The following PIP5K1C variants were observed in gnomAD, a reference collection of about 807,000 sequenced individuals.
PIP5K1C encodes the protein phosphatidylinositol 4-phosphate 5-kinase type-1 gamma.
PIP5K1C carries 45 observed loss-of-function variants against 80.1 expected under a neutral mutation model. That is an observed-to-expected ratio of 0.56 (90% CI 0.44 to 0.72). The LOEUF (loss-of-function observed/expected upper bound fraction) is 0.72, where lower values mean the gene tolerates loss of function less well. Among genes scored for constraint, PIP5K1C ranks in the 30% least tolerant of loss-of-function variants. The probability of loss-of-function intolerance (pLI) is 0.00; values close to 1 mark genes in which losing one functional copy is unlikely to be tolerated. For synonymous variants in PIP5K1C, 498 were observed against 420.1 expected, an observed-to-expected ratio of 1.19 and a Z score of -2.27; for missense variants, 753 against 954.6, an observed-to-expected ratio of 0.79 and a Z score of 2.78.
Position 3,651,825 on chromosome 19 carries a change from C to T in PIP5K1C, c.1127+1G>A, listed in dbSNP as rs1473218681. 9 of 1,610,874 alleles carry T rather than the reference C, an allele frequency of 5.6e-6. No individual in the cohort carries two copies. The highest frequency in any genetic ancestry group is 1.3e-5 in the African/African-American group (1 of 74,894). ...GGTCCGGCGGCCCCCCGCCCACCTACGTGTCATCCGATTCGATGGCCTCCC... is the reference window on the plus strand; with the variant it reads ...GGTCCGGCGGCCCCCCGCCCACCTATGTGTCATCCGATTCGATGGCCTCCC... On this transcript the variant is annotated splice_donor_variant, in intron 8 of 17. Coordinates refer to ENST00000335312, the MANE Select transcript of PIP5K1C (RefSeq NM_012398.3). LOFTEE classifies it high-confidence loss of function.
intron 1 of PIP5K1C, among the ~76,000 whole-genome samples, chr19:3,695,640 G>A (rs539646170): frequency 1.8e-4 from 27 of 152,230 alleles, no homozygotes; most frequent in African/African-American, 6.5e-4. Context: ...CAGGGCGGGA[G>A]AGAATGGGGA....
At chr19:3,694,900 C>G (rs2036054692) in intron 1 of PIP5K1C, among the ~76,000 whole-genome samples, 1 of 152,226 alleles carries the variant, frequency 6.6e-6, no homozygotes, top group African/African-American at 2.4e-5. Context: ...CAAACATCTT[C>G]CGTAAAGGAC....
At chr19:3,642,742 T>C (rs1218673480) in intron 14 of PIP5K1C, among the ~76,000 whole-genome samples, 165 bp downstream of exon 14, 1 of 151,036 alleles carries the variant, frequency 6.6e-6, no homozygotes, top group Non-Finnish European at 1.5e-5. Flanking sequence ...AAAAACAAAG[T>C]GGCTGGAAGA....
chr19:3,679,194 G>GT (rs1413384696), intron 1 of PIP5K1C, among the ~76,000 whole-genome samples: 1 of 152,084 alleles, frequency 6.6e-6, no homozygotes, highest in Non-Finnish European at 1.5e-5. Flanking sequence ...AAGAAACACG[G>GT]TTTTTGAGGG....
chr19:3,677,520 T>A (rs557059102), intron 1 of PIP5K1C, among the ~76,000 whole-genome samples: 18 of 148,602 alleles, frequency 1.2e-4, no homozygotes, highest in South Asian at 2.2e-4. Context: ...GAGGCGGAGG[T>A]TGCAGTGAGC....
At chr19:3,679,351 G>A (rs979448800) in intron 1 of PIP5K1C, among the ~76,000 whole-genome samples, 5 of 152,140 alleles carry the variant, frequency 3.3e-5, no homozygotes, top group African/African-American at 9.7e-5. Flanking sequence ...CGCGTGCTGC[G>A]CCTGTGTCCC....
intron 4 of PIP5K1C, 27 bp downstream of exon 4, chr19:3,661,844 C>A: frequency 1.2e-6 from 2 of 1,609,082 alleles, no homozygotes; most frequent in East Asian, 4.5e-5. Context: ...GCTGGGTGAG[C>A]CCTGAGGCTC....
chr19:3,661,128 C>T, intron 4 of PIP5K1C, 45 bp from the exon 5 acceptor site: 1 of 1,316,464 alleles, frequency 7.6e-7, no homozygotes, highest in African/African-American at 1.4e-5. Context: ...GTGGTGGGCA[C>T]CTCTCCCCCA....
chr19:3,696,717 G>A lies in PIP5K1C; in HGVS notation c.94+3580C>T, dbSNP rs910019433. On this transcript the variant is annotated intron_variant, in intron 1 of 17. Transcript: ENST00000335312. This position sits in a 1 kb window ranked among gnomAD's most constrained non-coding sequence, Gnocchi z 4.1. ...ACAGCAGAGTGCAGACGGGAGGGCA[G>A]GGAGGGCAGAGTGCGGAGGGGAGGG... 1.9e-5 allele frequency among the ~76,000 whole-genome samples: 2 copies of A among 103,028 alleles called. No individual in the cohort carries two copies. Among genetic ancestry groups the A allele is most frequent in the Non-Finnish European group, 3.7e-5 (2 of 53,594 alleles). The allele number at this position is 103,028 out of a possible 152,430, so 67.6% of individuals were successfully genotyped here.
chr19:3,677,056 TGC>T lies in PIP5K1C; in HGVS notation c.95-9705_95-9704del, dbSNP rs982634602. ...GTTTGAGGCTGCAGTGAGCTATGACTGCACCACTGCACTCTAGCCTGGGCAAC... is the reference window on the plus strand; with the variant it reads ...GTTTGAGGCTGCAGTGAGCTATGACTACCACTGCACTCTAGCCTGGGCAAC... On this transcript the variant is annotated intron_variant, in intron 1 of 17. Coordinates refer to ENST00000335312, the MANE Select transcript of PIP5K1C (RefSeq NM_012398.3). Among the ~76,000 whole-genome samples, 161 of 152,106 alleles carry T rather than the reference TGC, an allele frequency of 1.1e-3. 2 individuals are homozygous for T. Among genetic ancestry groups the T allele is most frequent in the African/African-American group, 3.8e-3 (157 of 41,470 alleles).
rs555820340 is a variant in PIP5K1C at position 3,631,362 on chromosome 19, G to A, written c.*1805C>T. The A allele has an allele frequency of 1.1e-3, 166 of 152,892 alleles. 1 individual carries two copies. The highest frequency in any genetic ancestry group is 1.9e-3 in the Non-Finnish European group (132 of 68,408). The allele number at this position is 152,892 out of a possible 1,614,324, so 9.5% of individuals were successfully genotyped here. A position where few individuals can be genotyped will look rare whatever the true frequency, so the allele number is the denominator to read the frequency against. ...CATCCAGGTCCCAGACACCCCTTCTGACCTCTGCCCCTGCCTCCCCGGGGG... is the reference window on the plus strand; with the variant it reads ...CATCCAGGTCCCAGACACCCCTTCTAACCTCTGCCCCTGCCTCCCCGGGGG... On this transcript the variant is annotated 3_prime_UTR_variant, in exon 18 of 18. Coordinates refer to ENST00000335312, the MANE Select transcript of PIP5K1C (RefSeq NM_012398.3).
In PIP5K1C at chr19:3,656,459, G is replaced by C. The variant is rs34201806; in HGVS notation, c.567C>G (p.Thr189=). 1.2e-6 allele frequency: 2 copies of C among 1,613,702 alleles called. No individual in the cohort carries two copies. The highest frequency in any genetic ancestry group is 1.3e-5 in the African/African-American group (1 of 75,060). The change falls in exon 6 of 18, where the codon ACC becomes ACG. Residue 189 remains threonine, a synonymous_variant. Coordinates refer to ENST00000335312, the MANE Select transcript of PIP5K1C (RefSeq NM_012398.3). ...VTSDDEFIIK[T]VMHKEAEFLQ... The stretch of plus-strand genomic sequence containing the variant: ...GGAACTCGGCCTCCTTGTGCATGAC[G>C]GTCTTGATGATGAACTCGTCGTCGC...
chr19:3,665,834 G>GC (rs1362822948), intron 2 of PIP5K1C, among the ~76,000 whole-genome samples: 2 of 152,096 alleles, frequency 1.3e-5, no homozygotes, highest in Admixed American at 1.3e-4. Flanking sequence ...AAGGAGAACA[G>GC]CCCCGCCTGG....
intron 1 of PIP5K1C, among the ~76,000 whole-genome samples, chr19:3,668,996 C>G (rs2145517961): frequency 6.6e-6 from 1 of 152,296 alleles, no homozygotes; most frequent in Admixed American, 6.5e-5. Context: ...TGGCACCACC[C>G]AGGGCCCAGG....
chr19:3,669,948 G>C (rs2035147188), intron 1 of PIP5K1C: 1 of 152,212 alleles, frequency 6.6e-6, no homozygotes, highest in African/African-American at 2.4e-5. Flanking sequence ...AACTTTGCTG[G>C]GGTCAGGAGC....
Position 3,653,305 on chromosome 19 carries a change from C to G in PIP5K1C, c.906G>C (p.Leu302=), listed in dbSNP as rs1197865459. Residue 302 remains leucine (L), a synonymous_variant, in exon 7 of 18, where the codon CTG becomes CTC. Coordinates refer to ENST00000335312, the MANE Select transcript of PIP5K1C (RefSeq NM_012398.3). The stretch of plus-strand genomic sequence containing the variant: ...GAGCCCTCACCAGGCAGTCCCGCTG[C>G]AGCGTCTTGACCAGGGCGCTGAAGG... ...ADTFSALVKT[L]QRDCLVLESF... is the part of the protein sequence containing the mutation. The G allele has an allele frequency of 6.2e-7, 1 of 1,608,406 alleles. No homozygotes were observed. The highest frequency in any genetic ancestry group is 8.5e-7 in the Non-Finnish European group (1 of 1,179,904).
In PIP5K1C at chr19:3,652,043, G is replaced by C. The variant is rs756236992; in HGVS notation, c.922-12C>G. Reference sequence around the variant, plus strand: ...AAACTTTCCAGGACCTGGCGGGATCGGGCAGGAACACGCCACGCCGTCAGC... The same window carrying C: ...AAACTTTCCAGGACCTGGCGGGATCCGGCAGGAACACGCCACGCCGTCAGC... On this transcript the variant is annotated splice_polypyrimidine_tract_variant and intron_variant, in intron 7 of 17. Coordinates refer to ENST00000335312, the MANE Select transcript of PIP5K1C (RefSeq NM_012398.3). 6.2e-6 allele frequency: 10 copies of C among 1,611,962 alleles called. No individual in the cohort carries two copies. The highest frequency in any genetic ancestry group is 7.6e-6 in the Non-Finnish European group (9 of 1,179,148).
At chr19:3,683,762 C>T (rs1568355140) in intron 1 of PIP5K1C, among the ~76,000 whole-genome samples, 2 of 152,170 alleles carry the variant, frequency 1.3e-5, no homozygotes, top group Non-Finnish European at 2.9e-5. Context: ...AGAGGCACAG[C>T]CAGTACGGAG....
intron 9 of PIP5K1C, among the ~76,000 whole-genome samples, chr19:3,647,891 G>T (rs1449411384): frequency 6.6e-6 from 1 of 152,230 alleles, no homozygotes; most frequent in African/African-American, 2.4e-5. Flanking sequence ...AGGTTGCAGT[G>T]AGCCAAGATC....
Sources: gnomAD v4.1 joint callset for allele counts (sites outside exome capture counted in the v4.1 genomes callset) on GRCh38, gnomAD v4.1.1 for gene constraint, Gnocchi (gnomAD v3.1) non-coding constraint, MANE v1.5 for transcripts, NCBI Gene and HGNC (gene_info 2026-07-23, HGNC 2026-07-21) for gene names.